FMN2: variants seen among roughly 807,000 people sequenced by gnomAD.
FMN2 encodes formin-2.
FMN2 carries 51 observed loss-of-function variants against 142.3 expected under a neutral mutation model. That is an observed-to-expected ratio of 0.36 (90% confidence interval 0.29 to 0.45). FMN2 has a LOEUF of 0.45. Among genes scored for constraint, FMN2 ranks in the 20% least tolerant of loss-of-function variants. The pLI is 1.00. For missense variants in FMN2, 1,936 were observed against 2,122.8 expected, an observed-to-expected ratio of 0.91 and a Z score of 1.73; for synonymous variants, 882 against 869.8, an observed-to-expected ratio of 1.01 and a Z score of -0.25.
chr1:240,165,014 C>G (rs562684598), intron 2 of FMN2, among the ~76,000 whole-genome samples: 1 of 152,166 alleles, frequency 6.6e-6, no homozygotes, highest in African/African-American at 2.4e-5. Context: ...TTTCTTCATT[C>G]TGGATTGTTT....
intron 15 of FMN2, among the ~76,000 whole-genome samples, chr1:240,396,303 CGTGT>C (rs57641655): frequency 0.021 from 2,940 of 142,738 alleles, 41 homozygotes; most frequent in African/African-American, 0.043. Flanking sequence ...CCGAGGTTTT[CGTGT>C]GTGTGTGTGT....
chr1:240,305,086 T>A (rs1008140982), intron 8 of FMN2, among the ~76,000 whole-genome samples: 2 of 152,190 alleles, frequency 1.3e-5, no homozygotes, highest in African/African-American at 4.8e-5. Context: ...TTTGTTCATA[T>A]CATGGAGCAT....
At chr1:240,215,579 A>G (rs1236540620) in intron 6 of FMN2, among the ~76,000 whole-genome samples, 1 of 152,250 alleles carries the variant, frequency 6.6e-6, no homozygotes, top group Non-Finnish European at 1.5e-5. Context: ...TTAAAAATGA[A>G]TTAAATACTT....
chr1:240,206,169 G>A (rs1009432100), intron 4 of FMN2, among the ~76,000 whole-genome samples: 1 of 152,062 alleles, frequency 6.6e-6, no homozygotes, highest in African/African-American at 2.4e-5. Flanking sequence ...CTCCCAAAGT[G>A]CTGGGATTAC....
At chr1:240,150,342 G>A (rs1351079500) in intron 2 of FMN2, among the ~76,000 whole-genome samples, 1 of 151,188 alleles carries the variant, frequency 6.6e-6, no homozygotes, top group Non-Finnish European at 1.5e-5. Context: ...TCTCTTCTGT[G>A]TACAGAAGGA....
intron 14 of FMN2, among the ~76,000 whole-genome samples, chr1:240,376,917 T>C (rs545611555): frequency 8.4e-4 from 128 of 152,280 alleles, no homozygotes; most frequent in African/African-American, 3.0e-3. Flanking sequence ...TTACACAACT[T>C]CACAGGTGAT....
rs754290449 is a variant in FMN2 at position 240,148,299 on chromosome 1, CAG to C, written c.1782+24966_1782+24967del. Among the ~76,000 whole-genome samples the C allele has an allele frequency of 9.8e-3, 412 of 41,930 alleles. 3 individuals carry two copies. Among genetic ancestry groups the C allele is most frequent in the African/African-American group, 0.022 (385 of 17,190 alleles). The allele number at this position is 41,930 out of a possible 152,430, so 27.5% of individuals were successfully genotyped here. On this transcript the variant is annotated intron_variant, in intron 2 of 17. Coordinates refer to ENST00000319653, the MANE Select transcript of FMN2 (RefSeq NM_020066.5). ...AGACAGAGACAGAGACAGACAGAGA[CAG>C]AGAGAGAGAGACAGACAGAAACAGA... is the stretch of plus-strand genomic sequence containing the variant.
At chr1:240,325,259 A>T (rs1671125107) in intron 8 of FMN2, among the ~76,000 whole-genome samples, 1 of 149,284 alleles carries the variant, frequency 6.7e-6, no homozygotes, top group African/African-American at 2.5e-5. Flanking sequence ...GGGAGGACCT[A>T]TTGAGCCCAA....
chr1:240,472,466 G>T lies in FMN2; in HGVS notation c.5142+13G>T. On this transcript the variant is annotated intron_variant, in intron 17 of 17. Transcript: ENST00000319653. ...TGACTCTGGAATTGTAAGTATTACTGATTTTTAACTTGTTATTTTCTTTGG... is the reference window on the plus strand; with the variant it reads ...TGACTCTGGAATTGTAAGTATTACTTATTTTTAACTTGTTATTTTCTTTGG... 6.5e-7 allele frequency: 1 copy of T among 1,535,378 alleles called. No homozygotes were observed. Among genetic ancestry groups the T allele is most frequent in the South Asian group, 1.2e-5 (1 of 84,248 alleles).
At chr1:240,378,022 C>T (rs1166231079) in intron 14 of FMN2, among the ~76,000 whole-genome samples, 1 of 151,996 alleles carries the variant, frequency 6.6e-6, no homozygotes, top group Non-Finnish European at 1.5e-5. Context: ...CCACTCCTTC[C>T]CCATCTAAAC....
At chr1:240,438,568 G>T (rs576003187) in intron 16 of FMN2, among the ~76,000 whole-genome samples, 1 of 152,216 alleles carries the variant, frequency 6.6e-6, no homozygotes, top group East Asian at 1.9e-4. Context: ...AGGCTAGAAG[G>T]GTAAAAGGAA....
chr1:240,273,258 T>C (rs1669082385), intron 7 of FMN2, among the ~76,000 whole-genome samples: 1 of 152,196 alleles, frequency 6.6e-6, no homozygotes, highest in Admixed American at 6.6e-5. Context: ...CTGATCATAA[T>C]AGGGAACACT....
intron 14 of FMN2, among the ~76,000 whole-genome samples, chr1:240,371,377 A>T (rs967326269): frequency 6.6e-6 from 1 of 152,112 alleles, no homozygotes; most frequent in African/African-American, 2.4e-5. Flanking sequence ...GGGTACTTGG[A>T]TATGCTCTGC....
intron 8 of FMN2, among the ~76,000 whole-genome samples, chr1:240,296,594 G>A (rs2102964923): frequency 6.6e-6 from 1 of 151,794 alleles, no homozygotes; most frequent in Non-Finnish European, 1.5e-5. Flanking sequence ...CCCATGTGGT[G>A]GGCAGGATGC....
intron 6 of FMN2, among the ~76,000 whole-genome samples, chr1:240,212,878 A>G (rs1252276633): frequency 6.6e-6 from 1 of 152,148 alleles, no homozygotes; most frequent in African/African-American, 2.4e-5. Flanking sequence ...TCGTCCAGGG[A>G]CCAAATACTC....
chr1:240,220,622 G>C (rs1329073405), intron 6 of FMN2, among the ~76,000 whole-genome samples: 1 of 151,848 alleles, frequency 6.6e-6, no homozygotes, highest in East Asian at 1.9e-4. Flanking sequence ...ACCTCATACA[G>C]ACCCACCAAA....
intron 15 of FMN2, among the ~76,000 whole-genome samples, chr1:240,433,203 T>C (rs1166674095): frequency 6.6e-6 from 1 of 152,216 alleles, no homozygotes; most frequent in East Asian, 1.9e-4. Flanking sequence ...TTTATAATTA[T>C]GAAATAACAC....
intron 15 of FMN2, among the ~76,000 whole-genome samples, chr1:240,405,119 T>C (rs182239274): frequency 5.3e-5 from 8 of 152,278 alleles, no homozygotes; most frequent in African/African-American, 1.9e-4. Flanking sequence ...TCTTAAACTT[T>C]TGTGCCCTAA....
At chr1:240,261,630 T>C (rs1477063032) in intron 7 of FMN2, among the ~76,000 whole-genome samples, 1 of 152,140 alleles carries the variant, frequency 6.6e-6, no homozygotes. Context: ...CAGTCTGTTA[T>C]TTGAATACAG....
Sources: allele counts gnomAD v4.1 joint callset (sites outside exome capture counted in the v4.1 genomes callset), GRCh38; gene constraint gnomAD v4.1.1; transcripts MANE v1.5; gene names NCBI Gene and HGNC (gene_info 2026-07-23, HGNC 2026-07-21).